The following TRPC4 variants were observed in gnomAD, a reference collection of about 807,000 sequenced individuals.
TRPC4 encodes the protein transient receptor potential cation channel subfamily C member 4.
Under a neutral mutation model 99.4 loss-of-function variants are expected in TRPC4, and 49 were observed. The observed-to-expected ratio is 0.49, with a 90% CI of 0.39 to 0.63. The LOEUF (loss-of-function observed/expected upper bound fraction) is 0.63, where lower values mean the gene tolerates loss of function less well. TRPC4 is among the 20% of genes least tolerant of loss of function. The pLI, the probability that TRPC4 is intolerant of heterozygous loss-of-function variation, is 0.00. For synonymous variants in TRPC4, 454 were observed against 425.9 expected (o/e 1.07, Z -0.81); for missense variants, 898 against 1,152.9 (o/e 0.78, Z 3.20).
At chr13:37,688,923 C>T (rs918409513) in intron 4 of TRPC4, among the ~76,000 whole-genome samples, 15 of 152,226 alleles carry the variant, frequency 9.9e-5, no homozygotes, top group South Asian at 2.1e-4. Flanking sequence ...AAATGTTCTG[C>T]TAAGGGACTC....
At chr13:37,850,150 C>A (rs531781295) in intron 1 of TRPC4, among the ~76,000 whole-genome samples, 1 of 152,258 alleles carries the variant, frequency 6.6e-6, no homozygotes, top group South Asian at 2.1e-4. Flanking sequence ...AAAACTGTAA[C>A]ACATGCAGTA....
intron 1 of TRPC4, among the ~76,000 whole-genome samples, chr13:37,802,337 C>G (rs1185867651): frequency 2.6e-5 from 4 of 152,100 alleles, no homozygotes; most frequent in African/African-American, 9.7e-5. Flanking sequence ...GGATCCATCT[C>G]AGGATACCAC....
intron 7 of TRPC4, among the ~76,000 whole-genome samples, chr13:37,653,450 AAAGGAAGG>A (rs201235955): frequency 6.6e-6 from 1 of 152,104 alleles, no homozygotes; most frequent in African/African-American, 2.4e-5. Flanking sequence ...AAAGAAAAAG[AAAGGAAGG>A]AAGGAAGGAA....
At chr13:37,648,331 G>A (rs1051787093) in intron 8 of TRPC4, among the ~76,000 whole-genome samples, 7 of 152,076 alleles carry the variant, frequency 4.6e-5, no homozygotes, top group African/African-American at 1.7e-4. Flanking sequence ...GCTCAACTAA[G>A]AGTAGGCATC....
chr13:37,658,907 C>G (rs542215456), intron 6 of TRPC4, among the ~76,000 whole-genome samples: 1 of 149,412 alleles, frequency 6.7e-6, no homozygotes, highest in Admixed American at 6.6e-5. Context: ...GAAAAGGCCT[C>G]CTGCAAAAGG....
intron 3 of TRPC4, among the ~76,000 whole-genome samples, chr13:37,702,252 T>C (rs1367441883): frequency 6.6e-6 from 1 of 152,150 alleles, no homozygotes; most frequent in East Asian, 1.9e-4. Flanking sequence ...CTTCAGTAAT[T>C]TATTGTGCAA....
At chr13:37,746,948 T>C (rs1163962791) in intron 2 of TRPC4, among the ~76,000 whole-genome samples, 1 of 152,196 alleles carries the variant, frequency 6.6e-6, no homozygotes, top group African/African-American at 2.4e-5. Context: ...TTTTAGCTTC[T>C]GCTTTCCTAT....
intron 1 of TRPC4, among the ~76,000 whole-genome samples, chr13:37,809,622 C>A (rs1957621484): frequency 6.6e-6 from 1 of 151,960 alleles, no homozygotes; most frequent in Admixed American, 6.6e-5. Context: ...GGGTTATATG[C>A]TGATCCAATT....
chr13:37,800,540 T>C (rs1004862597), intron 1 of TRPC4, among the ~76,000 whole-genome samples: 1 of 152,138 alleles, frequency 6.6e-6, no homozygotes, highest in African/African-American at 2.4e-5. Flanking sequence ...TTTAGTTTTA[T>C]AAAATTGAAA....
intron 2 of TRPC4, among the ~76,000 whole-genome samples, chr13:37,768,659 T>A (rs1181453834): frequency 8.9e-6 from 1 of 112,162 alleles, no homozygotes; most frequent in South Asian, 2.9e-4. Flanking sequence ...AATACACACA[T>A]ACGAACACAC....
intron 4 of TRPC4, among the ~76,000 whole-genome samples, chr13:37,681,634 G>A (rs1194382434): frequency 6.6e-6 from 1 of 152,130 alleles, no homozygotes; most frequent in Admixed American, 6.6e-5. Flanking sequence ...AAAAACCAGA[G>A]GGTGCTATTA....
chr13:37,659,535 A>G (rs1952359210), intron 6 of TRPC4, among the ~76,000 whole-genome samples: 3 of 152,230 alleles, frequency 2.0e-5, no homozygotes, highest in Non-Finnish European at 4.4e-5. Context: ...AAGCAGATCA[A>G]TGAATGATCT....
At chr13:37,678,162 A>T (rs971528413) in intron 4 of TRPC4, among the ~76,000 whole-genome samples, 1 of 152,002 alleles carries the variant, frequency 6.6e-6, no homozygotes, top group African/African-American at 2.4e-5. Context: ...TGCTTTATCA[A>T]AAAAGAATGA....
At chr13:37,808,668 C>T (rs919292061) in intron 1 of TRPC4, among the ~76,000 whole-genome samples, 3 of 151,886 alleles carry the variant, frequency 2.0e-5, no homozygotes, top group African/African-American at 7.3e-5. Context: ...TCATTGTGCT[C>T]CAAGTAAGGG....
intron 1 of TRPC4, among the ~76,000 whole-genome samples, chr13:37,819,168 C>G (rs939660550): frequency 6.6e-6 from 1 of 151,440 alleles, no homozygotes; most frequent in Non-Finnish European, 1.5e-5. Flanking sequence ...TATTAAAAAG[C>G]AAAAAAATTA....
At chr13:37,856,141 A>G (rs552315916) in intron 1 of TRPC4, among the ~76,000 whole-genome samples, 185 of 151,852 alleles carry the variant, frequency 1.2e-3, no homozygotes, top group Middle Eastern at 6.8e-3. Context: ...TGGCCTGACT[A>G]AGAGAGAAGA....
At chr13:37,788,564 C>T (rs1593745408) in intron 1 of TRPC4, among the ~76,000 whole-genome samples, 1 of 150,856 alleles carries the variant, frequency 6.6e-6, no homozygotes, top group East Asian at 1.9e-4. Context: ...GGGCTCCCTG[C>T]CAGTCTTCCC....
chr13:37,682,278 T>C (rs1440092102), intron 4 of TRPC4, among the ~76,000 whole-genome samples: 24 of 152,210 alleles, frequency 1.6e-4, no homozygotes, highest in Admixed American at 1.6e-3. Context: ...GAGCTTTATG[T>C]TGTGGTATCA....
chr13:37,680,748 A>G (rs1470413028), intron 4 of TRPC4, among the ~76,000 whole-genome samples: 1 of 152,186 alleles, frequency 6.6e-6, no homozygotes. Context: ...TGACATAGAG[A>G]TTCCAATCCA....
Sources: allele counts gnomAD v4.1 joint callset (sites outside exome capture counted in the v4.1 genomes callset), GRCh38; gene constraint gnomAD v4.1.1; transcripts MANE v1.5; gene names NCBI Gene and HGNC (gene_info 2026-07-23, HGNC 2026-07-21).